Variants in PRAME observed in about 807,000 individuals in gnomAD.
PRAME encodes the protein melanoma antigen preferentially expressed in tumors.
A neutral mutation model predicts 32.1 loss-of-function variants in PRAME; 21 were observed. The ratio of observed to expected loss-of-function variants is 0.65; its 90% CI spans 0.46 to 0.94. PRAME has a LOEUF of 0.94. PRAME is among the 40% of genes least tolerant of loss of function. The pLI, the probability that PRAME is intolerant of heterozygous loss-of-function variation, is 0.00. For synonymous variants in PRAME, 274 were observed against 251.5 expected, an observed-to-expected ratio of 1.09 and a Z score of -0.85; for missense variants, 651 against 622.3, an observed-to-expected ratio of 1.05 and a Z score of -0.49.
At chr22:22,555,686 T>A (rs545835022) in intron 3 of PRAME, 1 of 333,186 alleles carries the variant, frequency 3.0e-6, no homozygotes, top group African/African-American at 2.1e-5. Flanking sequence ...GGTCCCACAG[T>A]CCAACGCACT....
intron 2 of PRAME, 98 bp from the exon 3 acceptor site, chr22:22,557,007 G>A (rs1034599472): frequency 4.1e-6 from 3 of 739,182 alleles, no homozygotes; most frequent in East Asian, 2.7e-5. Context: ...TACTGCTGAG[G>A]AAACTGACAA....
chr22:22,547,961 T>G lies in PRAME; in HGVS notation c.*106A>C. The G allele has an allele frequency of 8.1e-7, 1 of 1,239,796 alleles. No homozygotes were observed. The highest frequency in any genetic ancestry group is 1.1e-6 in the Non-Finnish European group (1 of 883,194). 76.8% of individuals were successfully genotyped at this position (1,239,796 alleles called of 1,614,324 possible). On this transcript the variant is annotated 3_prime_UTR_variant, in exon 6 of 6. Coordinates refer to ENST00000405655, the MANE Select transcript of PRAME (RefSeq NM_206956.3). ...CTGAACATGTTTTCCTCACTCACAC[T>G]GAACATTTGTCTGAAACTGTGGCTG... is the stretch of plus-strand genomic sequence containing the variant.
At chr22:22,556,179 T>A (rs8135024) in intron 3 of PRAME, among the ~76,000 whole-genome samples, 38,437 of 151,010 alleles carry the variant, frequency 0.25, 5,544 homozygotes, top group South Asian at 0.38. Context: ...TTTTTTCTAT[T>A]TTTAGTAAAG....
At chr22:22,556,957 T>G in intron 2 of PRAME, 48 bp from the exon 3 acceptor site, 1 of 1,259,712 alleles carries the variant, frequency 7.9e-7, no homozygotes, top group Non-Finnish European at 1.2e-6. Context: ...ACATGTATAA[T>G]ATTTACGAAG....
rs766008323 is a variant in PRAME at position 22,550,910 on chromosome 22, C to G, written c.201G>C (p.Gln67His). ...AGGCCTGCACCATTGCCTTCAGGGT[C>G]TGGCTGTGTCTCCCGTCAAAGGCTG... ...FMAAFDGRHS[Q>H]TLKAMVQAWP... The change falls in exon 4 of 6, where the codon CAG becomes CAC. Residue 67 changes from glutamine to histidine, a missense_variant. Physicochemically the swap from Gln to His is conservative, Grantham distance 24 (BLOSUM62 0). Coordinates refer to ENST00000405655, the MANE Select transcript of PRAME (RefSeq NM_206956.3). 1.7e-5 allele frequency: 28 copies of G among 1,613,794 alleles called. No individual in the cohort carries two copies. The highest frequency in any genetic ancestry group is 2.4e-5 in the Non-Finnish European group (28 of 1,179,988).
chr22:22,554,407 C>T (rs2062779866), intron 3 of PRAME, among the ~76,000 whole-genome samples: 1 of 151,978 alleles, frequency 6.6e-6, no homozygotes, highest in Admixed American at 6.6e-5. Flanking sequence ...TCACCCTCAA[C>T]ACCTAATGGC....
At chr22:22,552,684 G>A (rs2062660762) in intron 3 of PRAME, 1 of 311,272 alleles carries the variant, frequency 3.2e-6, no homozygotes, top group African/African-American at 2.2e-5. Flanking sequence ...CAAGAACAAA[G>A]CCTGTTCCTT....
In PRAME at chr22:22,549,730, G is replaced by A. The variant is rs1459490237; in HGVS notation, c.949C>T (p.Leu317Phe). ...AGAAATCTCACCATCCCTCACCTGA[G>A]CAACTGATCCAGGCGGCCTCTAAGG... ...FFLRGRLDQL[L>F]RHVMNPLETL... Residue 317 changes from leucine to phenylalanine, a missense_variant, in exon 5 of 6, where the codon CTC becomes TTC. Transcript: ENST00000405655. 18 of 1,598,042 alleles carry A rather than the reference G, an allele frequency of 1.1e-5. No individual in the cohort carries two copies. The African/African-American group carries it at 1.6e-4, about 14-fold the overall frequency.
rs2062340482 is a variant in PRAME at position 22,547,920 on chromosome 22, G to A, written c.*147C>T. ...TTTTTTCCTCACTGAACATTTGTCT[G>A]AATGTTTTTTCCTCACTGAACATGT... On this transcript the variant is annotated 3_prime_UTR_variant, in exon 6 of 6. Transcript: ENST00000405655. The A allele has an allele frequency of 4.4e-6, 4 of 906,724 alleles. No homozygotes were observed. The highest frequency in any genetic ancestry group is 2.6e-4 in the Middle Eastern group (1 of 3,914). The allele number at this position is 906,724 out of a possible 1,614,324, so 56.2% of individuals were successfully genotyped here. A position where few individuals can be genotyped will look rare whatever the true frequency, so the allele number is the denominator to read the frequency against.
intron 5 of PRAME, 110 bp from the exon 6 acceptor site, chr22:22,548,753 G>T (rs760634822): frequency 1.0e-6 from 1 of 972,474 alleles, no homozygotes; most frequent in Non-Finnish European, 1.5e-6. Context: ...ATGGTTAACC[G>T]CCAGGATGCC....
Position 22,550,263 on chromosome 22 carries a change from T to C in PRAME, c.416A>G (p.Asn139Ser). The stretch of plus-strand genomic sequence containing the variant: ...TGGAAATGAGTACAGACTGGCCCTG[T>C]TTCCAGACCATACAGTCCAGAAGTC... The part of the protein sequence containing the change: ...HQDFWTVWSG[N>S]RASLYSFPEP... Residue 139 changes from asparagine (N) to serine (S), a missense_variant, in exon 5 of 6, where the codon AAC becomes AGC. Transcript: ENST00000405655. 1 of 1,613,788 alleles carries C rather than the reference T, an allele frequency of 6.2e-7. No individual in the cohort carries two copies. The highest frequency in any genetic ancestry group is 1.1e-5 in the South Asian group (1 of 91,072).
rs1190033087 is a variant in PRAME, at chr22:22,559,255, G to T, written c.-398C>A. 3.2e-6 allele frequency: 1 copy of T among 316,068 alleles called. No individual in the cohort carries two copies. Among genetic ancestry groups the T allele is most frequent in the Non-Finnish European group, 6.2e-6 (1 of 160,868 alleles). 19.6% of individuals were successfully genotyped at this position (316,068 alleles called of 1,614,324 possible). A position where few individuals can be genotyped will look rare whatever the true frequency, so the allele number is the denominator to read the frequency against. ...CGCTGCAGGCCCGGCTTCTGGCTGC[G>T]GGGGAGCTGTACCCTGAAGCCTCGC... is the stretch of plus-strand genomic sequence containing the variant. On this transcript the variant is annotated 5_prime_UTR_variant, in exon 1 of 6. Transcript: ENST00000405655.
At chr22:22,552,490 A>G (rs367789899) in intron 3 of PRAME, among the ~76,000 whole-genome samples, 1 of 151,870 alleles carries the variant, frequency 6.6e-6, no homozygotes. Context: ...TTCAATATAA[A>G]TAATAAATGT....
chr22:22,552,860 C>G, intron 3 of PRAME: 1 of 470,892 alleles, frequency 2.1e-6, no homozygotes, highest in Middle Eastern at 3.3e-4. Context: ...GGGAAGACCA[C>G]AACATTGACT....
rs1382129501 is a variant in PRAME at position 22,558,355 on chromosome 22, A to C, written c.-114+616T>G. Among the ~76,000 whole-genome samples, 5 of 3,086 alleles carry C rather than the reference A, an allele frequency of 1.6e-3. No individual in the cohort carries two copies. In the East Asian group the frequency reaches 0.057, roughly 35 times the overall value. The allele number at this position is 3,086 out of a possible 152,430, so 2.0% of individuals were successfully genotyped here. On this transcript the variant is annotated intron_variant, in intron 1 of 5. Coordinates refer to ENST00000405655, the MANE Select transcript of PRAME (RefSeq NM_206956.3). ...GTGGGGATGGGGGAAGGGAGACAGA[A>C]GGGGGGGAGGGGTGGGGATGGGGGA...
At chr22:22,552,799 C>A (rs1219309382) in intron 3 of PRAME, 2 of 470,276 alleles carry the variant, frequency 4.3e-6, no homozygotes, top group Non-Finnish European at 8.8e-6. Context: ...GCCTGAGGCT[C>A]CCGACTCACC....
chr22:22,558,520 C>A (rs1243198453), intron 1 of PRAME, among the ~76,000 whole-genome samples: 1 of 77,384 alleles, frequency 1.3e-5, no homozygotes, highest in Admixed American at 1.8e-4. Flanking sequence ...GGAAAAGAGG[C>A]AGAGAGTGGG....
chr22:22,557,296 C>T, intron 2 of PRAME: 1 of 213,586 alleles, frequency 4.7e-6, no homozygotes, highest in East Asian at 1.0e-4. Context: ...CAAATGCGCA[C>T]CCACCCTGGA....
intron 3 of PRAME, chr22:22,554,273 G>GC: frequency 1.0e-6 from 1 of 982,324 alleles, no homozygotes; most frequent in Non-Finnish European, 1.2e-6. Flanking sequence ...TATTCTACTG[G>GC]CAAGTGTCCA....
Sources: allele counts gnomAD v4.1 joint callset (sites outside exome capture counted in the v4.1 genomes callset), GRCh38; gene constraint gnomAD v4.1.1; transcripts MANE v1.5; gene names NCBI Gene and HGNC (gene_info 2026-07-23, HGNC 2026-07-21).